C13orf46: variants seen among roughly 807,000 people sequenced by gnomAD.
The protein encoded by C13orf46 is chromosome 13 open reading frame 46, also known as uncharacterized protein C13orf46.
Position 113,959,512 on chromosome 13 carries a change from A to G in C13orf46, c.573-2673T>C, listed in dbSNP as rs964212416. Among the ~76,000 whole-genome samples the G allele has an allele frequency of 9.8e-5, 15 of 152,356 alleles. No individual in the cohort carries two copies. In the South Asian group the frequency reaches 3.1e-3, roughly 32 times the overall value. Reference sequence around the variant, plus strand: ...AAAGTGAAACAACAGGCACTGGACAACCAACCTCCAGTCAGTGCCCAGCAG... The same window carrying G: ...AAAGTGAAACAACAGGCACTGGACAGCCAACCTCCAGTCAGTGCCCAGCAG... On this transcript the variant is annotated intron_variant, in intron 6 of 6. Transcript: ENST00000636427.
At chr13:113,967,698 T>C (rs2052663760) in intron 4 of C13orf46, among the ~76,000 whole-genome samples, 1 of 152,048 alleles carries the variant, frequency 6.6e-6, no homozygotes, top group Non-Finnish European at 1.5e-5. Context: ...TCCAACCTCA[T>C]CCTCTGAGAA....
the C13orf46 span, among the ~76,000 whole-genome samples, chr13:113,946,813 C>T: frequency 6.6e-6 from 1 of 152,372 alleles, no homozygotes; most frequent in East Asian, 1.9e-4. Flanking sequence ...GAAACCTGCG[C>T]CCGGCAGCTC....
chr13:113,940,569 A>G, the C13orf46 span, among the ~76,000 whole-genome samples: 122 of 47,438 alleles, frequency 2.6e-3, 3 homozygotes, highest in African/African-American at 3.8e-3. Context: ...TGTGAGGCTG[A>G]GCGTTCGAGA....
At chr13:113,938,949 C>CT in the C13orf46 span, among the ~76,000 whole-genome samples, 25 of 152,228 alleles carry the variant, frequency 1.6e-4, no homozygotes, top group African/African-American at 5.8e-4. Context: ...ACCACAGCAC[C>CT]TGCGGCCTCC....
At chr13:113,970,623 C>G (rs1208213857) in intron 1 of C13orf46, among the ~76,000 whole-genome samples, 1 of 152,212 alleles carries the variant, frequency 6.6e-6, no homozygotes, top group South Asian at 2.1e-4. Context: ...CAAGACCTGC[C>G]CATGCCGGCT....
intron 5 of C13orf46, among the ~76,000 whole-genome samples, chr13:113,966,175 T>G (rs2052644413): frequency 1.3e-5 from 1 of 75,748 alleles, no homozygotes; most frequent in Non-Finnish European, 2.4e-5. Context: ...GTGATGGTGA[T>G]GATGATGATG....
intron 6 of C13orf46, among the ~76,000 whole-genome samples, chr13:113,964,307 G>C (rs1436365825): frequency 6.6e-6 from 1 of 152,208 alleles, no homozygotes; most frequent in East Asian, 1.9e-4. Flanking sequence ...TAGATCCATG[G>C]GCCCCCTTCA....
intron 4 of C13orf46, among the ~76,000 whole-genome samples, chr13:113,968,020 G>A (rs1209242317): frequency 6.6e-6 from 1 of 152,192 alleles, no homozygotes; most frequent in Admixed American, 6.5e-5. Context: ...TGAAAGCAAG[G>A]CCCGCCTGGC....
chr13:113,959,384 T>G (rs1417358077), intron 6 of C13orf46, among the ~76,000 whole-genome samples: 2 of 152,180 alleles, frequency 1.3e-5, no homozygotes, highest in Non-Finnish European at 2.9e-5. Context: ...TTGGGTAGAA[T>G]GTGTGAGGCT....
At chr13:113,967,669 G>A (rs1283106279) in intron 4 of C13orf46, among the ~76,000 whole-genome samples, 1 of 152,154 alleles carries the variant, frequency 6.6e-6, no homozygotes, top group East Asian at 1.9e-4. Context: ...TCAGGGCCCT[G>A]AGACCCCAGA....
chr13:113,939,673 C>A, the C13orf46 span, among the ~76,000 whole-genome samples: 1 of 152,200 alleles, frequency 6.6e-6, no homozygotes, highest in African/African-American at 2.4e-5. Context: ...ACCCGTTTCT[C>A]ACCCCTGACA....
the C13orf46 span, among the ~76,000 whole-genome samples, chr13:113,941,436 C>T: frequency 1.6e-5 from 2 of 126,488 alleles, no homozygotes; most frequent in African/African-American, 5.8e-5. Flanking sequence ...TCTGGGACTC[C>T]ATGTGTGAGG....
chr13:113,968,131 A>G (rs1037097696), intron 4 of C13orf46, among the ~76,000 whole-genome samples: 34 of 152,326 alleles, frequency 2.2e-4, no homozygotes, highest in African/African-American at 6.7e-4. Flanking sequence ...CCCCCACAGC[A>G]TGACGTGTCC....
At chr13:113,963,300 C>CG (rs2052603883) in intron 6 of C13orf46, among the ~76,000 whole-genome samples, 1 of 110,832 alleles carries the variant, frequency 9.0e-6, no homozygotes, top group Non-Finnish European at 2.1e-5. Context: ...TCCTCAGCTT[C>CG]ACCCCTGTCC....
At chr13:113,941,975 T>C in the C13orf46 span, among the ~76,000 whole-genome samples, 1 of 152,222 alleles carries the variant, frequency 6.6e-6, no homozygotes, top group Non-Finnish European at 1.5e-5. Context: ...AAGTTTGCAA[T>C]GAGCTGAAGT....
At position 113,959,434 on chromosome 13, in the gene C13orf46, T is replaced by C. The variant is rs1026016436; in HGVS notation, c.573-2595A>G. ...GATGTGTGAAGCTGTCTGGCCAGGT[T>C]GAGCAGGTGCTTCCCCTTTTAATCT... On this transcript the variant is annotated intron_variant, in intron 6 of 6. Transcript: ENST00000636427. Among the ~76,000 whole-genome samples, 246 of 152,274 alleles carry C rather than the reference T, an allele frequency of 1.6e-3. 1 individual carries two copies. The highest frequency in any genetic ancestry group is 0.014 in the Admixed American group (213 of 15,286).
chr13:113,948,617 G>GC, the C13orf46 span, among the ~76,000 whole-genome samples: 1 of 152,144 alleles, frequency 6.6e-6, no homozygotes, highest in Admixed American at 6.5e-5. Flanking sequence ...AAAGAGCTCC[G>GC]CCCCTCAACC....
chr13:113,938,136 G>T, the C13orf46 span, among the ~76,000 whole-genome samples: 3 of 152,168 alleles, frequency 2.0e-5, no homozygotes, highest in Non-Finnish European at 4.4e-5. Context: ...CAGCTCAAAG[G>T]GGGAGTGGGA....
intron 6 of C13orf46, among the ~76,000 whole-genome samples, chr13:113,963,943 T>G (rs965362080): frequency 5.3e-5 from 8 of 152,152 alleles, no homozygotes; most frequent in Non-Finnish European, 8.8e-5. Flanking sequence ...CTCCGCCTCC[T>G]GGGTTCAAGC....
Sources: allele counts gnomAD v4.1 joint callset (sites outside exome capture counted in the v4.1 genomes callset), GRCh38; gene constraint gnomAD v4.1.1; transcripts MANE v1.5; gene names NCBI Gene and HGNC (gene_info 2026-07-23, HGNC 2026-07-21).